Variants in PEAK1 observed in about 807,000 individuals in gnomAD.
PEAK1 encodes pseudopodium enriched atypical kinase 1.
Under a neutral mutation model 124.7 loss-of-function variants are expected in PEAK1, and 54 were observed. That is an observed-to-expected ratio of 0.43 (90% CI 0.35 to 0.54). The LOEUF is 0.54. Ranked by LOEUF, PEAK1 falls within the 20% of genes least tolerant of loss-of-function variation. The pLI, the probability that PEAK1 is intolerant of heterozygous loss-of-function variation, is 0.01. For synonymous variants in PEAK1, 719 were observed against 760.0 expected, an observed-to-expected ratio of 0.95 and a Z score of 0.89; for missense variants, 2,046 against 2,134.5, an observed-to-expected ratio of 0.96 and a Z score of 0.82.
At chr15:77,242,249 T>C (rs1336896172) in intron 6 of PEAK1, among the ~76,000 whole-genome samples, 3 of 152,140 alleles carry the variant, frequency 2.0e-5, no homozygotes, top group Non-Finnish European at 4.4e-5. Flanking sequence ...TTTATGCATG[T>C]GTGTGTACAT....
chr15:77,180,679 G>A lies in PEAK1; in HGVS notation c.1248C>T (p.Val416=). 1 of 1,614,110 alleles carries A rather than the reference G, an allele frequency of 6.2e-7. No homozygotes were observed. Among genetic ancestry groups the A allele is most frequent in the Non-Finnish European group, 8.5e-7 (1 of 1,180,006 alleles). The change falls in exon 7 of 10, where the codon GTC becomes GTT. Residue 416 remains valine, a synonymous_variant. Coordinates refer to ENST00000682557, the MANE Select transcript of PEAK1 (RefSeq NM_001385026.1). The part of the protein sequence containing the change: ...SIKVPETHKA[V]LALRLEEKDG... ...CTTTCTCTTCTAATCGGAGAGCAAG[G>A]ACTGCTTTGTGGGTCTCTGGAACTT... is the stretch of plus-strand genomic sequence containing the variant.
intron 2 of PEAK1, chr15:77,346,556 A>G (rs2066885098): frequency 1.0e-6 from 1 of 985,312 alleles, no homozygotes; most frequent in African/African-American, 1.7e-5. Flanking sequence ...CAAGCAGAAA[A>G]TAGATGGAAA....
At chr15:77,337,555 A>G (rs1285630407) in intron 2 of PEAK1, 5 of 985,100 alleles carry the variant, frequency 5.1e-6, no homozygotes, top group Non-Finnish European at 6.0e-6. Context: ...AGTCTGGCAG[A>G]GATTCCACAC....
chr15:77,264,453 A>C (rs1275746255), intron 5 of PEAK1, among the ~76,000 whole-genome samples: 1 of 152,230 alleles, frequency 6.6e-6, no homozygotes, highest in Non-Finnish European at 1.5e-5. Context: ...ATTCTTATAC[A>C]CCAATAACAG....
chr15:77,152,431 C>G, intron 8 of PEAK1, among the ~76,000 whole-genome samples: 1 of 152,064 alleles, frequency 6.6e-6, no homozygotes. Context: ...ATGTCATCTG[C>G]AAACAGGGAC....
chr15:77,122,400 T>G (rs2051999317), intron 9 of PEAK1, among the ~76,000 whole-genome samples: 1 of 152,188 alleles, frequency 6.6e-6, no homozygotes, highest in African/African-American at 2.4e-5. Context: ...ATAACTTGTG[T>G]TCCTGAGCCA....
intron 2 of PEAK1, among the ~76,000 whole-genome samples, chr15:77,305,621 C>G (rs1463736733): frequency 1.3e-5 from 2 of 152,144 alleles, no homozygotes; most frequent in Non-Finnish European, 2.9e-5. Flanking sequence ...TGGAATAAAA[C>G]AGAGAATGAG....
intron 2 of PEAK1, among the ~76,000 whole-genome samples, chr15:77,328,643 A>G (rs984323712): frequency 1.3e-5 from 2 of 152,198 alleles, no homozygotes; most frequent in Admixed American, 1.3e-4. Context: ...ACAGCTATTC[A>G]TGCAGCTATT....
At chr15:77,276,952 G>C (rs1304919726) in intron 5 of PEAK1, among the ~76,000 whole-genome samples, 1 of 152,082 alleles carries the variant, frequency 6.6e-6, no homozygotes, top group African/African-American at 2.4e-5. Context: ...GCATCACCAA[G>C]TAGCACTGTA....
intron 2 of PEAK1, among the ~76,000 whole-genome samples, chr15:77,310,246 G>C (rs565664145): frequency 5.2e-4 from 79 of 152,268 alleles, no homozygotes; most frequent in African/African-American, 1.8e-3. Flanking sequence ...AGGAGTTCAT[G>C]AAGTCATACA....
At position 77,321,293 on chromosome 15, in the gene PEAK1, C is replaced by G. The variant is rs140411403; in HGVS notation, c.-602-34789G>C. Among the ~76,000 whole-genome samples the G allele has an allele frequency of 4.2e-3, 646 of 152,282 alleles. 1 individual carries two copies. Among genetic ancestry groups the G allele is most frequent in the African/African-American group, 0.013 (551 of 41,552 alleles). ...TCCCACCAACAGTGTAAAAGTGTTC[C>G]TATTTCTCCACATCCTCTCCAGCGC... On this transcript the variant is annotated intron_variant, in intron 2 of 9. Coordinates refer to ENST00000682557, the MANE Select transcript of PEAK1 (RefSeq NM_001385026.1).
At chr15:77,141,993 C>G (rs1389477106) in intron 8 of PEAK1, among the ~76,000 whole-genome samples, 2 of 151,842 alleles carry the variant, frequency 1.3e-5, no homozygotes, top group Non-Finnish European at 2.9e-5. Context: ...GATTGGAAGT[C>G]AATAAAAATT....
At chr15:77,193,556 A>G (rs1201511118) in intron 6 of PEAK1, among the ~76,000 whole-genome samples, 1 of 152,186 alleles carries the variant, frequency 6.6e-6, no homozygotes, top group Non-Finnish European at 1.5e-5. Flanking sequence ...ACCCTTTTAA[A>G]AAGACTGTCA....
chr15:77,311,685 CAAAA>C (rs11296386), intron 2 of PEAK1, among the ~76,000 whole-genome samples: 32 of 85,852 alleles, frequency 3.7e-4, no homozygotes, highest in African/African-American at 1.2e-3. Context: ...CCAACCCCCA[CAAAA>C]AAAAAAAAAA....
chr15:77,262,303 A>G (rs1410747111), intron 5 of PEAK1, among the ~76,000 whole-genome samples: 1 of 152,156 alleles, frequency 6.6e-6, no homozygotes, highest in Non-Finnish European at 1.5e-5. Flanking sequence ...CAATTAGAAG[A>G]CACAGACTGG....
At chr15:77,300,472 TTTTA>T (rs1321477512) in intron 2 of PEAK1, among the ~76,000 whole-genome samples, 2 of 152,214 alleles carry the variant, frequency 1.3e-5, no homozygotes, top group African/African-American at 4.8e-5. Flanking sequence ...AAAATACAAC[TTTTA>T]TTTTAGAACA....
chr15:77,150,448 T>C (rs2054512446), intron 8 of PEAK1, among the ~76,000 whole-genome samples: 1 of 152,134 alleles, frequency 6.6e-6, no homozygotes, highest in African/African-American at 2.4e-5. Context: ...ACAGAGGCAA[T>C]GCTTTATTTT....
At chr15:77,191,537 T>C (rs2057834785) in intron 6 of PEAK1, among the ~76,000 whole-genome samples, 1 of 152,186 alleles carries the variant, frequency 6.6e-6, no homozygotes, top group Non-Finnish European at 1.5e-5. Flanking sequence ...TGTAAACCTG[T>C]TTAAGACTTA....
At chr15:77,194,896 C>A (rs192753130) in intron 6 of PEAK1, among the ~76,000 whole-genome samples, 2 of 152,236 alleles carry the variant, frequency 1.3e-5, no homozygotes, top group East Asian at 3.9e-4. Flanking sequence ...CCCTTAAGGG[C>A]ATCACTATAT....
Sources: gnomAD v4.1 joint callset for allele counts (sites outside exome capture counted in the v4.1 genomes callset) on GRCh38, gnomAD v4.1.1 for gene constraint, MANE v1.5 for transcripts, NCBI Gene and HGNC (gene_info 2026-07-23, HGNC 2026-07-21) for gene names.